Variants in ANKS6 observed in about 807,000 individuals in gnomAD.
ANKS6 encodes ankyrin repeat and sterile alpha motif domain containing 6.
A neutral mutation model predicts 77.9 loss-of-function variants in ANKS6; 47 were observed. The observed-to-expected ratio is 0.60, with a 90% CI of 0.48 to 0.77. The LOEUF is 0.77. Ranked by LOEUF, ANKS6 falls within the 30% of genes least tolerant of loss-of-function variation. The pLI, the probability that ANKS6 is intolerant of heterozygous loss-of-function variation, is 0.00. For synonymous variants in ANKS6, 488 were observed against 501.7 expected (o/e 0.97, Z 0.37); for missense variants, 1,150 against 1,159.1 (o/e 0.99, Z 0.11).
chr9:98,783,865 C>G (rs1834411565), intron 4 of ANKS6, 88 bp downstream of exon 4: 1 of 1,178,494 alleles, frequency 8.5e-7, no homozygotes, highest in African/African-American at 1.6e-5. Flanking sequence ...TGCAGCATCT[C>G]AGGACCAGAA....
Position 98,734,030 on chromosome 9 carries a change from C to G in ANKS6, c.*2489G>C. ...CAGAAAAACAAGCACCCAACTGACC[C>G]CTCCTCCCTGACGATCTATAACCTA... On this transcript the variant is annotated 3_prime_UTR_variant, in exon 15 of 15. Transcript: ENST00000353234. 1 of 985,354 alleles carries G rather than the reference C, an allele frequency of 1.0e-6. No homozygotes were observed. Among genetic ancestry groups the G allele is most frequent in the Non-Finnish European group, 1.2e-6 (1 of 829,962 alleles). The allele number at this position is 985,354 out of a possible 1,614,324, so 61.0% of individuals were successfully genotyped here.
At chr9:98,774,786 AG>A (rs1382334258) in intron 8 of ANKS6, among the ~76,000 whole-genome samples, 1 of 152,254 alleles carries the variant, frequency 6.6e-6, no homozygotes, top group Non-Finnish European at 1.5e-5. Context: ...TAGATCTTCA[AG>A]GAAGTGTTCA....
chr9:98,749,582 G>A (rs1033372923), intron 13 of ANKS6, among the ~76,000 whole-genome samples: 6 of 152,148 alleles, frequency 3.9e-5, no homozygotes, highest in Admixed American at 2.0e-4. Context: ...TATGAGCCAG[G>A]GACACGATAC....
intron 11 of ANKS6, among the ~76,000 whole-genome samples, chr9:98,758,168 C>G (rs1832816230): frequency 6.6e-6 from 1 of 151,944 alleles, no homozygotes; most frequent in Non-Finnish European, 1.5e-5. Flanking sequence ...TTTATTTGCT[C>G]AATCATTTAT....
chr9:98,794,148 CAAA>C (rs375021953), intron 1 of ANKS6, among the ~76,000 whole-genome samples: 2 of 109,992 alleles, frequency 1.8e-5, no homozygotes, highest in Non-Finnish European at 3.5e-5. Flanking sequence ...GACTCCGTCT[CAAA>C]AAAAAAAAAA....
chr9:98,741,280 TTTATCTCAGTTATATTTTA>T (rs1649347511), intron 14 of ANKS6, among the ~76,000 whole-genome samples: 1 of 152,172 alleles, frequency 6.6e-6, no homozygotes, highest in Non-Finnish European at 1.5e-5. Flanking sequence ...CGGACCCAAA[TTTATCTCAGTTATATTTTA>T]CGAAAATTTA....
chr9:98,778,200 C>A, intron 7 of ANKS6, 26 bp downstream of exon 7: 1 of 1,612,882 alleles, frequency 6.2e-7, no homozygotes, highest in Non-Finnish European at 8.5e-7. Context: ...TCCAAAAATT[C>A]TACTGCACAT....
intron 11 of ANKS6, among the ~76,000 whole-genome samples, chr9:98,764,963 T>C (rs895081418): frequency 6.6e-6 from 1 of 152,210 alleles, no homozygotes; most frequent in African/African-American, 2.4e-5. Flanking sequence ...TAGTAGAGTA[T>C]AGACTAAGAT....
intron 1 of ANKS6, among the ~76,000 whole-genome samples, chr9:98,792,767 C>T (rs1263744188): frequency 6.6e-6 from 1 of 152,114 alleles, no homozygotes; most frequent in African/African-American, 2.4e-5. Flanking sequence ...TAAAGCCTCT[C>T]AATTTGAACG....
chr9:98,752,180 C>A (rs1007350342), intron 12 of ANKS6, among the ~76,000 whole-genome samples: 1 of 152,188 alleles, frequency 6.6e-6, no homozygotes, highest in Admixed American at 6.5e-5. Flanking sequence ...GACAGCATTT[C>A]CAGTTTTACA....
rs758877040 is a variant in ANKS6, at chr9:98,778,380, C to T, written c.1413G>A (p.Leu471=). 3.1e-6 allele frequency: 5 copies of T among 1,614,156 alleles called. No homozygotes were observed. The highest frequency in any genetic ancestry group is 4.2e-6 in the Non-Finnish European group (5 of 1,180,038). Residue 471 remains leucine, a synonymous_variant, in exon 7 of 15, where the codon CTG becomes CTA. Transcript: ENST00000353234. ...RMSNRFRKLK[L]MQTLPRGLSS... ...ACAGCCCACGGGGCAGCGTCTGCAT[C>T]AGTTTGAGCTTTCGGAACCGATTGG...
At chr9:98,759,293 T>C (rs1364075817) in intron 11 of ANKS6, among the ~76,000 whole-genome samples, 1 of 152,212 alleles carries the variant, frequency 6.6e-6, no homozygotes, top group East Asian at 1.9e-4. Context: ...ATTTTTCCTC[T>C]ATTCTTACCC....
intron 11 of ANKS6, among the ~76,000 whole-genome samples, chr9:98,762,674 G>T (rs1288071619): frequency 6.6e-6 from 1 of 152,074 alleles, no homozygotes; most frequent in East Asian, 1.9e-4. Context: ...ATACGGTGAA[G>T]GCTAATGATT....
chr9:98,734,360 T>G lies in ANKS6; in HGVS notation c.*2159A>C. 1.0e-6 allele frequency: 1 copy of G among 985,474 alleles called. No individual in the cohort carries two copies. The highest frequency in any genetic ancestry group is 1.2e-6 in the Non-Finnish European group (1 of 829,960). The allele number at this position is 985,474 out of a possible 1,614,324, so 61.0% of individuals were successfully genotyped here. A position where few individuals can be genotyped will look rare whatever the true frequency, so the allele number is the denominator to read the frequency against. On this transcript the variant is annotated 3_prime_UTR_variant, in exon 15 of 15. Coordinates refer to ENST00000353234, the MANE Select transcript of ANKS6 (RefSeq NM_173551.5). The stretch of plus-strand genomic sequence containing the variant: ...GACCCCCCGGTGCAGCTGTGTATCA[T>G]TGTTCAATCAAACTTACCTGAGTGG...
rs1168832757 is a variant in ANKS6 at position 98,777,470 on chromosome 9, A to T, written c.1568-16T>A. The stretch of plus-strand genomic sequence containing the variant: ...CTCCCAGGACCTGAGAGACAAATGG[A>T]AATTTCCTGAAATGACCCCTCCACG... On this transcript the variant is annotated splice_polypyrimidine_tract_variant and intron_variant, in intron 7 of 14. Transcript: ENST00000353234. The T allele has an allele frequency of 1.9e-6, 3 of 1,613,872 alleles. No homozygotes were observed. The Admixed American group carries it at 5.0e-5, about 27-fold the overall frequency.
At chr9:98,771,582 C>A (rs1285845536) in intron 9 of ANKS6, among the ~76,000 whole-genome samples, 3 of 152,224 alleles carry the variant, frequency 2.0e-5, no homozygotes, top group African/African-American at 7.2e-5. Context: ...CCTCACTCCA[C>A]CCTCTGCTTC....
intron 6 of ANKS6, 56 bp downstream of exon 6, chr9:98,780,133 C>T: frequency 6.2e-7 from 1 of 1,602,078 alleles, no homozygotes; most frequent in Non-Finnish European, 8.5e-7. Context: ...AGCAGGCTCC[C>T]CGCCAGCCCC....
chr9:98,739,687 C>T (rs1415710831), intron 14 of ANKS6, among the ~76,000 whole-genome samples: 1 of 151,942 alleles, frequency 6.6e-6, no homozygotes, highest in African/African-American at 2.4e-5. Flanking sequence ...TAGCACATTT[C>T]CCCAACAGAC....
At chr9:98,768,717 C>T (rs553070483) in intron 10 of ANKS6, among the ~76,000 whole-genome samples, 6 of 152,314 alleles carry the variant, frequency 3.9e-5, no homozygotes, top group African/African-American at 7.2e-5. Flanking sequence ...CCTACTCTCA[C>T]GACTGAGTCA....
Sources: gnomAD v4.1 joint callset for allele counts (sites outside exome capture counted in the v4.1 genomes callset) on GRCh38, gnomAD v4.1.1 for gene constraint, MANE v1.5 for transcripts, NCBI Gene and HGNC (gene_info 2026-07-23, HGNC 2026-07-21) for gene names.